ATG7: variants seen among roughly 807,000 people sequenced by gnomAD.
The protein encoded by ATG7 is autophagy related 7.
Under a neutral mutation model 82.4 loss-of-function variants are expected in ATG7, and 70 were observed. That is an observed-to-expected ratio of 0.85 (90% CI 0.70 to 1.04). The LOEUF is 1.04. ATG7 is among the 50% of genes least tolerant of loss of function. The probability of loss-of-function intolerance (pLI) is 0.00; values close to 1 mark genes in which losing one functional copy is unlikely to be tolerated. For synonymous variants in ATG7, 287 were observed against 313.0 expected (o/e 0.92, Z 0.88); for missense variants, 792 against 864.3 (o/e 0.92, Z 1.05).
At chr3:11,511,431 C>A (rs977476978) in intron 20 of ATG7, among the ~76,000 whole-genome samples, 1 of 152,210 alleles carries the variant, frequency 6.6e-6, no homozygotes, top group Non-Finnish European at 1.5e-5. Context: ...CATTCACAAA[C>A]CTTGAGCTAA....
intron 20 of ATG7, among the ~76,000 whole-genome samples, chr3:11,488,987 C>A (rs36128181): frequency 6.6e-6 from 1 of 151,814 alleles, no homozygotes; most frequent in African/African-American, 2.4e-5. Context: ...GGTACCAGTT[C>A]CTCCTTGTAC....
chr3:11,512,210 A>G (rs2092098207), intron 20 of ATG7, among the ~76,000 whole-genome samples: 2 of 151,310 alleles, frequency 1.3e-5, no homozygotes, highest in South Asian at 2.1e-4. Context: ...CAACTAGCCT[A>G]CCTCCCAGAG....
intron 20 of ATG7, among the ~76,000 whole-genome samples, chr3:11,542,801 G>A (rs1320422225): frequency 2.0e-5 from 3 of 152,216 alleles, no homozygotes; most frequent in East Asian, 1.9e-4. Context: ...AGAAGGTGAC[G>A]TTTGGAACGG....
At chr3:11,355,351 T>G (rs757133562) in intron 14 of ATG7, among the ~76,000 whole-genome samples, 6 of 152,164 alleles carry the variant, frequency 3.9e-5, no homozygotes, top group Non-Finnish European at 5.9e-5. Context: ...TAGGACCTAG[T>G]AAATACTATG....
intron 20 of ATG7, among the ~76,000 whole-genome samples, chr3:11,479,492 T>C (rs796402473): frequency 3.3e-5 from 5 of 152,222 alleles, no homozygotes; most frequent in African/African-American, 1.2e-4. Context: ...AGCCCAGATA[T>C]TGACCGATCC....
chr3:11,392,754 A>G (rs957838645), intron 19 of ATG7, among the ~76,000 whole-genome samples: 5 of 152,110 alleles, frequency 3.3e-5, no homozygotes, highest in African/African-American at 1.2e-4. Context: ...GATGCACCAC[A>G]ATTGTTGCAA....
intron 20 of ATG7, among the ~76,000 whole-genome samples, chr3:11,479,015 C>CACACACACACACAT (rs1233663443): frequency 6.6e-6 from 1 of 151,406 alleles, no homozygotes; most frequent in Non-Finnish European, 1.5e-5. Flanking sequence ...CACACACACA[C>CACACACACACACAT]ACACACACAC....
intron 19 of ATG7, among the ~76,000 whole-genome samples, chr3:11,418,929 G>A (rs2081662213): frequency 1.3e-5 from 2 of 152,036 alleles, no homozygotes; most frequent in African/African-American, 4.8e-5. Flanking sequence ...GATCTCATGA[G>A]AACTCGCTAT....
chr3:11,427,209 C>T (rs1430704900), intron 20 of ATG7, among the ~76,000 whole-genome samples: 2 of 152,138 alleles, frequency 1.3e-5, no homozygotes, highest in African/African-American at 4.8e-5. Context: ...TACTGAAGAT[C>T]TGCATGTGTA....
chr3:11,477,618 C>T (rs1188408220), intron 20 of ATG7, among the ~76,000 whole-genome samples: 2 of 152,202 alleles, frequency 1.3e-5, no homozygotes, highest in African/African-American at 2.4e-5. Context: ...TAAGATGGCC[C>T]TCCTGAGTTA....
chr3:11,548,837 A>C lies in ATG7; in HGVS notation c.2080-5974A>C, dbSNP rs530134399. On this transcript the variant is annotated intron_variant, in intron 20 of 20. Transcript: ENST00000693202. ...GTAAGAGATCATGCAGCAGGGGATA[A>C]TATCCTTTCGTATAGTGGAGGTGTG... Among the ~76,000 whole-genome samples the C allele has an allele frequency of 3.9e-4, 60 of 152,308 alleles. No homozygotes were observed. The East Asian group carries it at 8.1e-3, about 21-fold the overall frequency.
intron 20 of ATG7, among the ~76,000 whole-genome samples, chr3:11,456,395 T>A (rs1320954404): frequency 1.3e-5 from 2 of 152,224 alleles, no homozygotes; most frequent in Non-Finnish European, 2.9e-5. Context: ...TTGGTAGGCA[T>A]CTGGATTGTT....
At chr3:11,560,338 G>T (rs1195652417), downstream of ATG7, among the ~76,000 whole-genome samples, 1 of 152,222 alleles carries the variant, frequency 6.6e-6, no homozygotes, top group Admixed American at 6.5e-5. Context: ...CCCAGGAAAA[G>T]TATCTTCCAA....
intron 14 of ATG7, among the ~76,000 whole-genome samples, chr3:11,351,700 A>G (rs2075558047): frequency 6.6e-6 from 1 of 152,328 alleles, no homozygotes; most frequent in African/African-American, 2.4e-5. Flanking sequence ...TTTATCCTTC[A>G]TGCCTTATAA....
chr3:11,568,853 C>G, the ATG7 span: 1 of 1,381,676 alleles, frequency 7.2e-7, no homozygotes, highest in Non-Finnish European at 9.4e-7. This position sits in a 1 kb window ranked among gnomAD's most constrained non-coding sequence, Gnocchi z 5.9. Context: ...CCGTGCCAGG[C>G]CTATCAGAGC....
At chr3:11,558,062 C>A, downstream of ATG7, 1 of 159,640 alleles carries the variant, frequency 6.3e-6, no homozygotes, top group Non-Finnish European at 1.4e-5. Flanking sequence ...AACTTTAGTC[C>A]TCCTCCAATA....
At chr3:11,383,468 C>G (rs2078071511) in intron 19 of ATG7, among the ~76,000 whole-genome samples, 1 of 152,060 alleles carries the variant, frequency 6.6e-6, no homozygotes, top group Non-Finnish European at 1.5e-5. Context: ...TTTCCCTTTT[C>G]CATATTTCTG....
intron 20 of ATG7, among the ~76,000 whole-genome samples, chr3:11,441,911 C>T (rs954992552): frequency 6.6e-6 from 1 of 152,066 alleles, no homozygotes; most frequent in African/African-American, 2.4e-5. Context: ...GGTGATCCAC[C>T]CACCTTGGCC....
chr3:11,470,911 C>T (rs1348408368), intron 20 of ATG7, among the ~76,000 whole-genome samples: 1 of 152,206 alleles, frequency 6.6e-6, no homozygotes, highest in Non-Finnish European at 1.5e-5. Context: ...CTTTGAGGTG[C>T]AGATAGTCCC....
Sources: gnomAD v4.1 joint callset for allele counts (sites outside exome capture counted in the v4.1 genomes callset) on GRCh38, gnomAD v4.1.1 for gene constraint, Gnocchi (gnomAD v3.1) non-coding constraint, MANE v1.5 for transcripts, NCBI Gene and HGNC (gene_info 2026-07-23, HGNC 2026-07-21) for gene names.